CFI: variants seen among roughly 807,000 people sequenced by gnomAD.
The protein encoded by CFI is complement factor I, also known as C3B/C4B inactivator.
In CFI, 66 loss-of-function variants were observed where a neutral mutation model predicts 78.8. The observed-to-expected ratio is 0.84, with a 90% CI of 0.69 to 1.03. The LOEUF (loss-of-function observed/expected upper bound fraction) is 1.03, where lower values mean the gene tolerates loss of function less well. CFI is among the 50% of genes least tolerant of loss of function. The probability of loss-of-function intolerance (pLI) is 0.00; values close to 1 mark genes in which losing one functional copy is unlikely to be tolerated. For missense variants in CFI, 706 were observed against 704.5 expected, an observed-to-expected ratio of 1.00 and a Z score of -0.02; for synonymous variants, 250 against 232.6, an observed-to-expected ratio of 1.07 and a Z score of -0.68.
At chr4:109,771,550 C>T (rs796330510) in intron 1 of CFI, among the ~76,000 whole-genome samples, 7 of 132,812 alleles carry the variant, frequency 5.3e-5, no homozygotes, top group Non-Finnish European at 1.2e-4. Context: ...ACTAAAAATA[C>T]AAAAAAAAAA....
intron 1 of CFI, among the ~76,000 whole-genome samples, chr4:109,782,424 A>G (rs1325239643): frequency 1.5e-5 from 1 of 68,212 alleles, no homozygotes; most frequent in Non-Finnish European, 2.9e-5. Flanking sequence ...CCCTTTTACA[A>G]TAGCTGCAAA....
At chr4:109,801,826 C>G (rs530593984) in intron 1 of CFI, 89 bp downstream of exon 1, 5 of 878,570 alleles carry the variant, frequency 5.7e-6, no homozygotes, top group Non-Finnish European at 8.9e-6. Context: ...ATATTTAAAT[C>G]AAAATTATAT....
At chr4:109,785,732 G>A (rs1730656276) in intron 1 of CFI, among the ~76,000 whole-genome samples, 1 of 152,046 alleles carries the variant, frequency 6.6e-6, no homozygotes, top group South Asian at 2.1e-4. Flanking sequence ...GAGACCAAGT[G>A]GAGGTAATTA....
downstream of CFI, among the ~76,000 whole-genome samples, chr4:109,740,109 C>A (rs1226786746): frequency 2.6e-5 from 4 of 152,150 alleles, no homozygotes; most frequent in Middle Eastern, 6.8e-3. Context: ...GCCTGGGCAT[C>A]AAAGCAAGAT....
chr4:109,793,604 T>G (rs1731653535), intron 1 of CFI: 2 of 152,240 alleles, frequency 1.3e-5, no homozygotes, highest in South Asian at 4.1e-4. Context: ...CAGAGCTCAC[T>G]GCAGTTTTGA....
chr4:109,735,703 T>C (rs1723334178), downstream of CFI, among the ~76,000 whole-genome samples: 1 of 152,218 alleles, frequency 6.6e-6, no homozygotes, highest in Admixed American at 6.5e-5. Context: ...CTAGTGCCAA[T>C]GTCGCGGGAA....
intron 6 of CFI, among the ~76,000 whole-genome samples, chr4:109,758,718 C>T (rs1422109244): frequency 6.6e-6 from 1 of 152,184 alleles, no homozygotes; most frequent in Non-Finnish European, 1.5e-5. Context: ...ATCAAGTAAT[C>T]ATCTTAGCAT....
intron 1 of CFI, among the ~76,000 whole-genome samples, chr4:109,787,943 A>T (rs571904624): frequency 2.6e-5 from 4 of 152,130 alleles, no homozygotes; most frequent in African/African-American, 9.6e-5. Context: ...TGTAAAAGTT[A>T]TGTTTCCTTC....
At chr4:109,752,373 A>T in intron 8 of CFI, 95 bp downstream of exon 8, 1 of 1,072,900 alleles carries the variant, frequency 9.3e-7, no homozygotes. Flanking sequence ...TACCAAAACT[A>T]CTTGTTGCTT....
At chr4:109,734,450 G>A in the CFI span, among the ~76,000 whole-genome samples, 2 of 152,168 alleles carry the variant, frequency 1.3e-5, no homozygotes, top group Non-Finnish European at 2.9e-5. Context: ...CTTCACAAGA[G>A]TCTCATTGAA....
At chr4:109,772,050 C>A (rs1336299939) in intron 1 of CFI, among the ~76,000 whole-genome samples, 4 of 152,146 alleles carry the variant, frequency 2.6e-5, no homozygotes, top group Non-Finnish European at 5.9e-5. Context: ...TTGGAAGCAA[C>A]TTTATGATAA....
chr4:109,731,646 A>C, the CFI span, among the ~76,000 whole-genome samples: 11 of 152,226 alleles, frequency 7.2e-5, no homozygotes, highest in African/African-American at 2.4e-4. Context: ...CAAACGGTGT[A>C]GCTCCTGGCT....
chr4:109,767,348 C>T (rs7694635), intron 1 of CFI, among the ~76,000 whole-genome samples: 147,342 of 151,758 alleles, frequency 0.97, 71,669 homozygotes, highest in East Asian at 1. Flanking sequence ...ATAGGCAACC[C>T]ACAGAATGGG....
chr4:109,733,374 C>G, the CFI span, among the ~76,000 whole-genome samples: 1 of 152,332 alleles, frequency 6.6e-6, no homozygotes, highest in African/African-American at 2.4e-5. Context: ...TTCATCTAAC[C>G]AGCAAAACCT....
intron 12 of CFI, chr4:109,741,355 C>T (rs1007668485): frequency 1.8e-5 from 18 of 985,226 alleles, no homozygotes; most frequent in East Asian, 1.1e-4. Flanking sequence ...CTACTTTATA[C>T]GACTGAGTAC....
chr4:109,761,838 C>G (rs538973714), intron 3 of CFI, 146 bp from the exon 4 acceptor site: 41 of 676,230 alleles, frequency 6.1e-5, no homozygotes, highest in Admixed American at 1.2e-4. Context: ...AAACTCTGAG[C>G]CTCAGTACCT....
rs572495299 is a variant in CFI at position 109,772,264 on chromosome 4, T to C, written c.58-5440A>G. On this transcript the variant is annotated intron_variant, in intron 1 of 12. Coordinates refer to ENST00000394634, the MANE Select transcript of CFI (RefSeq NM_000204.5). ...AAAGAATTGGTAAGTCACATGTATC[T>C]CAACGTCTAGAACAGTGGTTGCCAA... 4.6e-5 allele frequency among the ~76,000 whole-genome samples: 7 copies of C among 152,360 alleles called. No homozygotes were observed. The South Asian group carries it at 1.4e-3, about 32-fold the overall frequency.
At chr4:109,786,382 A>C (rs1730742367) in intron 1 of CFI, among the ~76,000 whole-genome samples, 1 of 151,926 alleles carries the variant, frequency 6.6e-6, no homozygotes, top group African/African-American at 2.4e-5. Context: ...TTTTTATGTA[A>C]ACTTTATCTT....
chr4:109,750,773 G>A (rs2126193615), intron 8 of CFI, among the ~76,000 whole-genome samples: 1 of 152,302 alleles, frequency 6.6e-6, no homozygotes, highest in Admixed American at 6.5e-5. Flanking sequence ...CATACCGAAA[G>A]GAGTTAGGCC....
Sources: allele counts gnomAD v4.1 joint callset (sites outside exome capture counted in the v4.1 genomes callset), GRCh38; gene constraint gnomAD v4.1.1; transcripts MANE v1.5; gene names NCBI Gene and HGNC (gene_info 2026-07-23, HGNC 2026-07-21).